Variants in CIBAR1 observed in about 807,000 individuals in gnomAD.
CIBAR1 encodes the protein CBY1-interacting BAR domain-containing protein 1.
CIBAR1 carries 25 observed loss-of-function variants against 44.0 expected under a neutral mutation model. The observed-to-expected ratio is 0.57, with a 90% CI of 0.41 to 0.79. CIBAR1 has a LOEUF of 0.79. Among genes scored for constraint, CIBAR1 ranks in the 30% least tolerant of loss-of-function variants. The pLI, the probability that CIBAR1 is intolerant of heterozygous loss-of-function variation, is 0.00. For synonymous variants in CIBAR1, 115 were observed against 119.0 expected, an observed-to-expected ratio of 0.97 and a Z score of 0.22; for missense variants, 278 against 344.8, an observed-to-expected ratio of 0.81 and a Z score of 1.53.
intron 7 of CIBAR1, among the ~76,000 whole-genome samples, chr8:93,722,542 T>TA (rs1811306922): frequency 6.6e-6 from 1 of 151,888 alleles, no homozygotes; most frequent in African/African-American, 2.4e-5. Flanking sequence ...ACTAAAGATA[T>TA]AAAAAATTAG....
chr8:93,727,151 T>G (rs1287720304), intron 8 of CIBAR1: 9 of 1,284,392 alleles, frequency 7.0e-6, no homozygotes, highest in Non-Finnish European at 8.1e-6. Context: ...GGGCCGCAAC[T>G]TGCCAAACCC....
chr8:93,710,268 C>T (rs1001315771), intron 6 of CIBAR1, among the ~76,000 whole-genome samples: 1 of 151,890 alleles, frequency 6.6e-6, no homozygotes, highest in Non-Finnish European at 1.5e-5. Context: ...GCCTGGGCAA[C>T]AGAGCCAGAC....
intron 6 of CIBAR1, among the ~76,000 whole-genome samples, chr8:93,710,346 T>C (rs1262781208): frequency 1.3e-5 from 2 of 151,812 alleles, no homozygotes; most frequent in Non-Finnish European, 2.9e-5. Context: ...AAATAAAATG[T>C]ATTGGTTTTT....
intron 7 of CIBAR1, among the ~76,000 whole-genome samples, chr8:93,721,824 A>G (rs199909702): frequency 4.9e-5 from 1 of 20,360 alleles, no homozygotes. Flanking sequence ...TCCTATAAAG[A>G]AAAAAAAAAA....
intron 1 of CIBAR1, 160 bp downstream of exon 1, chr8:93,700,833 A>C (rs1810311231): frequency 7.6e-7 from 1 of 1,317,732 alleles, no homozygotes; most frequent in South Asian, 2.5e-5. Flanking sequence ...CTTGGGCTGC[A>C]GCCACCGCCG....
intron 6 of CIBAR1, among the ~76,000 whole-genome samples, chr8:93,716,530 TTC>T (rs1811044418): frequency 6.6e-6 from 1 of 152,180 alleles, no homozygotes; most frequent in African/African-American, 2.4e-5. Flanking sequence ...ATGTTGGAAT[TTC>T]TTACTAATTT....
At chr8:93,726,248 TTTTC>T (rs1811491884) in intron 7 of CIBAR1, 142 bp from the exon 8 acceptor site, 1 of 683,630 alleles carries the variant, frequency 1.5e-6, no homozygotes, top group South Asian at 2.2e-5. Context: ...TTTTGTTGTC[TTTTC>T]TTTTACATTT....
intron 6 of CIBAR1, among the ~76,000 whole-genome samples, chr8:93,713,759 T>A (rs1810925841): frequency 6.6e-6 from 1 of 152,206 alleles, no homozygotes; most frequent in Admixed American, 6.5e-5. Context: ...AATTGAATGG[T>A]CTTGGCATCT....
intron 8 of CIBAR1, chr8:93,727,335 T>A (rs7841747): frequency 1.9e-6 from 1 of 520,954 alleles, no homozygotes; most frequent in African/African-American, 2.0e-5. Flanking sequence ...CCCAACCCAA[T>A]TGTATTTTTT....
intron 7 of CIBAR1, 106 bp downstream of exon 7, chr8:93,718,894 C>G: frequency 4.8e-6 from 3 of 627,038 alleles, no homozygotes; most frequent in Non-Finnish European, 7.5e-6. Context: ...GACAGAGTCT[C>G]ACTCTGTTGC....
chr8:93,724,552 T>C, intron 7 of CIBAR1: 1 of 1,237,856 alleles, frequency 8.1e-7, no homozygotes, highest in Non-Finnish European at 1.1e-6. Flanking sequence ...CTTGAACTCC[T>C]GGGGCTCAAG....
chr8:93,701,688 A>G (rs1490833989), intron 2 of CIBAR1: 1 of 513,382 alleles, frequency 1.9e-6, no homozygotes, highest in Non-Finnish European at 3.4e-6. Context: ...GAATTTCCCC[A>G]CTTTATTTGC....
rs534808639 is a variant in CIBAR1, at chr8:93,718,599, T to C, written c.544-76T>C. The C allele has an allele frequency of 1.5e-5, 11 of 754,950 alleles. No homozygotes were observed. In the East Asian group the frequency reaches 3.1e-4, roughly 21 times the overall value. 46.8% of individuals were successfully genotyped at this position (754,950 alleles called of 1,614,324 possible). A position where few individuals can be genotyped will look rare whatever the true frequency, so the allele number is the denominator to read the frequency against. On this transcript the variant is annotated intron_variant, in intron 6 of 8. Coordinates refer to ENST00000518322, the MANE Select transcript of CIBAR1 (RefSeq NM_145269.5). ...TGTATTTTATAAAATACCAAGACTATAGTGAGGAATAAAGTTACTATATTC... is the reference window on the plus strand; with the variant it reads ...TGTATTTTATAAAATACCAAGACTACAGTGAGGAATAAAGTTACTATATTC...
intron 2 of CIBAR1, chr8:93,702,208 T>TA (rs1383458063): frequency 5.8e-5 from 24 of 414,676 alleles, no homozygotes; most frequent in South Asian, 7.2e-5. Flanking sequence ...AGAATGAGTA[T>TA]AAAAAAAATT....
chr8:93,717,501 C>T (rs1383081993), intron 6 of CIBAR1, among the ~76,000 whole-genome samples: 2 of 152,118 alleles, frequency 1.3e-5, no homozygotes, highest in African/African-American at 2.4e-5. Flanking sequence ...TTACCTAGGC[C>T]CTGTCCTCTC....
intron 7 of CIBAR1, chr8:93,724,529 T>C (rs1411716107): frequency 1.5e-5 from 15 of 981,122 alleles, no homozygotes; most frequent in Non-Finnish European, 2.1e-5. Context: ...TTCGCCATGT[T>C]GCCCAGGCTG....
intron 7 of CIBAR1, 65 bp from the exon 8 acceptor site, chr8:93,726,329 C>A: frequency 3.6e-6 from 5 of 1,375,462 alleles, no homozygotes; most frequent in Non-Finnish European, 3.9e-6. Context: ...AACTAAGGAA[C>A]TTAATTTGAC....
In CIBAR1 at chr8:93,704,773, C is replaced by T. The variant is rs185659040; in HGVS notation, c.331-136C>T. 3.2e-4 allele frequency: 178 copies of T among 555,276 alleles called. No individual in the cohort carries two copies. In the East Asian group the frequency reaches 5.0e-3, roughly 16 times the overall value. The allele number at this position is 555,276 out of a possible 1,614,324, so 34.4% of individuals were successfully genotyped here. On this transcript the variant is annotated intron_variant, in intron 3 of 8. Transcript: ENST00000518322. ...ACTAATTATGTAATACTTGTAATTC[C>T]TGTGGTAATGGTACCAGGATCACAC... is the stretch of plus-strand genomic sequence containing the variant.
chr8:93,724,375 G>T (rs1586292593), intron 7 of CIBAR1: 2 of 331,246 alleles, frequency 6.0e-6, no homozygotes, highest in East Asian at 1.8e-4. Context: ...GCCCATGCTG[G>T]CGTGCAGTGG....
Sources: allele counts gnomAD v4.1 joint callset (sites outside exome capture counted in the v4.1 genomes callset), GRCh38; gene constraint gnomAD v4.1.1; transcripts MANE v1.5; gene names NCBI Gene and HGNC (gene_info 2026-07-23, HGNC 2026-07-21).